Variants in NRXN1 observed in about 807,000 individuals in gnomAD.
NRXN1 encodes the protein neurexin 1, also known as neurexin-1.
A neutral mutation model predicts 150.9 loss-of-function variants in NRXN1; 39 were observed. That is an observed-to-expected ratio of 0.26 (90% CI 0.20 to 0.34). The LOEUF is 0.34. NRXN1 is among the 10% of genes least tolerant of loss of function. The pLI is 1.00. For missense variants in NRXN1, 1,815 were observed against 1,949.9 expected, an observed-to-expected ratio of 0.93 and a Z score of 1.30; for synonymous variants, 924 against 757.0, an observed-to-expected ratio of 1.22 and a Z score of -3.62.
intron 17 of NRXN1, among the ~76,000 whole-genome samples, chr2:50,401,382 T>C (rs1380737978): frequency 2.0e-5 from 3 of 152,130 alleles, no homozygotes; most frequent in African/African-American, 7.2e-5. Flanking sequence ...CAGGAGATGT[T>C]CCAGTCTCTC....
At chr2:50,403,965 C>G (rs1247673714) in intron 17 of NRXN1, among the ~76,000 whole-genome samples, 1 of 152,044 alleles carries the variant, frequency 6.6e-6, no homozygotes, top group East Asian at 1.9e-4. Flanking sequence ...GACTGCTATA[C>G]TAGCAACACC....
intron 19 of NRXN1, among the ~76,000 whole-genome samples, chr2:50,058,853 T>C (rs1694052599): frequency 6.6e-6 from 1 of 152,186 alleles, no homozygotes; most frequent in African/African-American, 2.4e-5. Flanking sequence ...ACTTTGCTCC[T>C]CCTTCACCTT....
chr2:50,823,777 A>G (rs1356477875), intron 5 of NRXN1, among the ~76,000 whole-genome samples: 1 of 152,214 alleles, frequency 6.6e-6, no homozygotes, highest in Non-Finnish European at 1.5e-5. Flanking sequence ...ATAAGTAAGC[A>G]CACAAAATGA....
intron 5 of NRXN1, among the ~76,000 whole-genome samples, chr2:50,633,507 GTTTAT>G (rs1682728588): frequency 6.7e-6 from 1 of 149,736 alleles, no homozygotes; most frequent in Non-Finnish European, 1.5e-5. Flanking sequence ...AGGCTTTTTG[GTTTAT>G]TTTGTTTTGT....
intron 19 of NRXN1, among the ~76,000 whole-genome samples, chr2:50,069,964 C>T (rs1481352202): frequency 9.3e-5 from 14 of 151,208 alleles, no homozygotes; most frequent in Non-Finnish European, 1.9e-4. Context: ...CATTCTCCTG[C>T]CTCAGCCTCC....
At chr2:50,631,027 T>A (rs1682216576) in intron 5 of NRXN1, 2 of 410,536 alleles carry the variant, frequency 4.9e-6, no homozygotes, top group Non-Finnish European at 9.8e-6. Flanking sequence ...AATTTACTAT[T>A]ATCTTATTTG....
At chr2:50,335,612 C>G (rs1183858891) in intron 17 of NRXN1, among the ~76,000 whole-genome samples, 1 of 151,352 alleles carries the variant, frequency 6.6e-6, no homozygotes, top group African/African-American at 2.4e-5. Flanking sequence ...CAACACTAAA[C>G]TGCAGCAATA....
chr2:51,007,884 G>T (rs1196318278), intron 2 of NRXN1, among the ~76,000 whole-genome samples: 1 of 151,678 alleles, frequency 6.6e-6, no homozygotes, highest in East Asian at 1.9e-4. Context: ...AAAATATGAT[G>T]AAAAAGTCAT....
intron 19 of NRXN1, among the ~76,000 whole-genome samples, chr2:50,060,313 C>T (rs1472241197): frequency 6.6e-6 from 1 of 152,118 alleles, no homozygotes; most frequent in Non-Finnish European, 1.5e-5. Context: ...CCTGTAGACC[C>T]TTCGTTTTGG....
At chr2:50,009,750 C>A (rs566993580) in intron 21 of NRXN1, among the ~76,000 whole-genome samples, 4 of 152,214 alleles carry the variant, frequency 2.6e-5, no homozygotes, top group African/African-American at 9.6e-5. Context: ...ACACCAAGTT[C>A]TCCCTTACAG....
At chr2:50,809,702 G>A (rs2105753349) in intron 5 of NRXN1, among the ~76,000 whole-genome samples, 1 of 152,246 alleles carries the variant, frequency 6.6e-6, no homozygotes, top group Middle Eastern at 3.4e-3. Flanking sequence ...TGGGTCAGAG[G>A]AGGGGATGAC....
At chr2:50,820,143 G>A (rs1359473246) in intron 5 of NRXN1, among the ~76,000 whole-genome samples, 1 of 151,952 alleles carries the variant, frequency 6.6e-6, no homozygotes, top group African/African-American at 2.4e-5. Context: ...AAAAAAACAA[G>A]AATCATGAAG....
chr2:51,002,997 T>G (rs1291838842), intron 2 of NRXN1, among the ~76,000 whole-genome samples: 4 of 151,926 alleles, frequency 2.6e-5, no homozygotes, highest in African/African-American at 7.2e-5. Context: ...GTTCAAGCAT[T>G]TATGGACAGA....
chr2:50,936,812 T>C (rs1019152985), intron 2 of NRXN1, among the ~76,000 whole-genome samples: 1 of 152,058 alleles, frequency 6.6e-6, no homozygotes, highest in African/African-American at 2.4e-5. Context: ...ACTATGAGAA[T>C]TAAATCAATC....
intron 4 of NRXN1, among the ~76,000 whole-genome samples, chr2:50,922,159 T>C (rs2104284984): frequency 6.6e-6 from 1 of 151,978 alleles, no homozygotes; most frequent in Middle Eastern, 3.4e-3. Context: ...ACAATAAATC[T>C]ACGTAGAGAA....
At chr2:50,165,075 A>G (rs1414417024) in intron 18 of NRXN1, among the ~76,000 whole-genome samples, 2 of 152,138 alleles carry the variant, frequency 1.3e-5, no homozygotes, top group East Asian at 3.9e-4. Flanking sequence ...GCCAAGGAGA[A>G]AAGCCCTCTC....
intron 18 of NRXN1, among the ~76,000 whole-genome samples, chr2:50,094,568 G>A (rs1699977619): frequency 6.6e-6 from 1 of 152,148 alleles, no homozygotes; most frequent in African/African-American, 2.4e-5. Flanking sequence ...TTCAAGGGAA[G>A]AGACTGTGGC....
intron 8 of NRXN1, among the ~76,000 whole-genome samples, chr2:50,560,402 T>G (rs1052374813): frequency 1.4e-5 from 2 of 147,262 alleles, no homozygotes; most frequent in African/African-American, 5.1e-5. Context: ...GAACAAGCCC[T>G]GTACAAAGTA....
chr2:50,774,573 T>C (rs940223838), intron 5 of NRXN1, among the ~76,000 whole-genome samples: 37 of 152,204 alleles, frequency 2.4e-4, no homozygotes, highest in African/African-American at 8.7e-4. Context: ...TATGGTATAC[T>C]TTATACAAAT....
Sources: allele counts gnomAD v4.1 joint callset (sites outside exome capture counted in the v4.1 genomes callset), GRCh38; gene constraint gnomAD v4.1.1; transcripts MANE v1.5; gene names NCBI Gene and HGNC (gene_info 2026-07-23, HGNC 2026-07-21).